PAQR5: variants seen among roughly 807,000 people sequenced by gnomAD.
PAQR5 encodes the protein membrane progestin receptor gamma.
In PAQR5, 20 loss-of-function variants were observed where a neutral mutation model predicts 34.5. The ratio of observed to expected loss-of-function variants is 0.58; its 90% CI spans 0.41 to 0.84. PAQR5 has a LOEUF of 0.84. Ranked by LOEUF, PAQR5 falls within the 40% of genes least tolerant of loss-of-function variation. The pLI, the probability that PAQR5 is intolerant of heterozygous loss-of-function variation, is 0.00. For synonymous variants in PAQR5, 131 were observed against 155.6 expected (o/e 0.84, Z 1.18); for missense variants, 378 against 412.7 (o/e 0.92, Z 0.73).
In PAQR5 at chr15:69,405,359, T is replaced by C. The variant is rs994993864; in HGVS notation, c.*1537T>C. Reference sequence around the variant, plus strand: ...GCCTTGTAAACAGCTCACTGTCTAATACTCGAAGGACAAGTAACAATTTAT... The same window carrying C: ...GCCTTGTAAACAGCTCACTGTCTAACACTCGAAGGACAAGTAACAATTTAT... On this transcript the variant is annotated 3_prime_UTR_variant, in exon 9 of 9. Coordinates refer to ENST00000395407, the MANE Select transcript of PAQR5 (RefSeq NM_017705.4). 1 of 190,880 alleles carries C rather than the reference T, an allele frequency of 5.2e-6. No homozygotes were observed. The allele number at this position is 190,880 out of a possible 1,614,324, so 11.8% of individuals were successfully genotyped here.
intron 1 of PAQR5, among the ~76,000 whole-genome samples, chr15:69,327,989 C>A (rs2054292621): frequency 6.6e-6 from 1 of 151,962 alleles, no homozygotes; most frequent in Non-Finnish European, 1.5e-5. Flanking sequence ...CCATGTTGGC[C>A]AGGCTGGTCT....
At chr15:69,327,410 CT>C (rs2054279684) in intron 1 of PAQR5, among the ~76,000 whole-genome samples, 1 of 152,094 alleles carries the variant, frequency 6.6e-6, no homozygotes, top group African/African-American at 2.4e-5. Flanking sequence ...CTCTTTCCCC[CT>C]CTCTCCACTC....
chr15:69,314,544 TC>T (rs1215076526), intron 1 of PAQR5: 3 of 152,112 alleles, frequency 2.0e-5, no homozygotes, highest in South Asian at 2.1e-4. Flanking sequence ...TCTGGACCAT[TC>T]CCCCCCATGG....
chr15:69,303,297 G>A (rs561744541), intron 1 of PAQR5, among the ~76,000 whole-genome samples: 1 of 151,626 alleles, frequency 6.6e-6, no homozygotes, highest in South Asian at 2.1e-4. Context: ...GGTTGCTAGG[G>A]GTGCTTAAGA....
At chr15:69,380,822 G>T (rs1040887903) in intron 4 of PAQR5, among the ~76,000 whole-genome samples, 16 of 152,218 alleles carry the variant, frequency 1.1e-4, no homozygotes, top group Admixed American at 3.9e-4. Flanking sequence ...AGACGGGGTG[G>T]CGTCCTTACG....
chr15:69,374,759 C>A (rs1489862195), intron 3 of PAQR5, among the ~76,000 whole-genome samples: 1 of 152,218 alleles, frequency 6.6e-6, no homozygotes, highest in Admixed American at 6.5e-5. Context: ...TGCCAGCAAA[C>A]ACCTCATCAG....
rs780711031 is a variant in PAQR5 at position 69,322,691 on chromosome 15, GGAAGAAGAAGAAGAAGAAGAA to G, written c.-276-14590_-276-14570del. 4.7e-3 allele frequency among the ~76,000 whole-genome samples: 120 copies of G among 25,456 alleles called. 14 individuals are homozygous for G. The highest frequency in any genetic ancestry group is 0.017 in the African/African-American group (113 of 6,634). The allele number at this position is 25,456 out of a possible 152,430, so 16.7% of individuals were successfully genotyped here. A position where few individuals can be genotyped will look rare whatever the true frequency, so the allele number is the denominator to read the frequency against. ...AAAAAAAAGAAGAAGAAGGAGAAGA[GGAAGAAGAAGAAGAAGAAGAA>G]GAAGAAGAAGAAGAAGAAGAAGAAG... On this transcript the variant is annotated intron_variant, in intron 1 of 8. Transcript: ENST00000395407.
chr15:69,387,139 C>T (rs2056134574), intron 5 of PAQR5, among the ~76,000 whole-genome samples: 2 of 152,242 alleles, frequency 1.3e-5, no homozygotes, highest in South Asian at 2.1e-4. Context: ...TCCACAACAC[C>T]TTCTACCACA....
chr15:69,389,807 G>C, intron 6 of PAQR5, 27 bp downstream of exon 6: 1 of 1,611,954 alleles, frequency 6.2e-7, no homozygotes, highest in South Asian at 1.1e-5. Flanking sequence ...CCTCAGATGG[G>C]AGGGGAGGGA....
At chr15:69,347,325 C>A (rs1419072975) in intron 2 of PAQR5, among the ~76,000 whole-genome samples, 2 of 152,168 alleles carry the variant, frequency 1.3e-5, no homozygotes, top group Non-Finnish European at 2.9e-5. Flanking sequence ...CATTGTTTAG[C>A]ATCTAAGTTA....
intron 1 of PAQR5, among the ~76,000 whole-genome samples, chr15:69,316,388 TTTAAATAA>T (rs2053950926): frequency 6.6e-6 from 1 of 152,140 alleles, no homozygotes; most frequent in African/African-American, 2.4e-5. Context: ...GCCATAAGGT[TTTAAATAA>T]TGCATTTTGC....
At chr15:69,360,685 A>G (rs1377438619) in intron 3 of PAQR5, among the ~76,000 whole-genome samples, 1 of 152,250 alleles carries the variant, frequency 6.6e-6, no homozygotes, top group Non-Finnish European at 1.5e-5. Flanking sequence ...ACTAAGCCAT[A>G]GGTGAGCCTG....
rs562325283 is a variant in PAQR5, at chr15:69,384,596, C to A, written c.180-81C>A. ...CTCCGTGTTCATGGTGGAAGGTGAG[C>A]GGGTCCTCTGTGTTCATGGTGGAGG... On this transcript the variant is annotated intron_variant, in intron 4 of 8. Coordinates refer to ENST00000395407, the MANE Select transcript of PAQR5 (RefSeq NM_017705.4). 2.8e-6 allele frequency: 2 copies of A among 713,168 alleles called. 1 individual carries two copies. The highest frequency in any genetic ancestry group is 5.0e-6 in the Non-Finnish European group (2 of 397,880). The allele number at this position is 713,168 out of a possible 1,614,324, so 44.2% of individuals were successfully genotyped here. A position where few individuals can be genotyped will look rare whatever the true frequency, so the allele number is the denominator to read the frequency against.
At chr15:69,399,621 T>C (rs982332354) in intron 7 of PAQR5, among the ~76,000 whole-genome samples, 1 of 149,950 alleles carries the variant, frequency 6.7e-6, no homozygotes, top group Non-Finnish European at 1.5e-5. Flanking sequence ...TCTAATAGGA[T>C]TTTTTGTCTT....
rs185325561 is a variant in PAQR5 at position 69,384,660 on chromosome 15, A to G, written c.180-17A>G. On this transcript the variant is annotated splice_polypyrimidine_tract_variant and intron_variant, in intron 4 of 8. Coordinates refer to ENST00000395407, the MANE Select transcript of PAQR5 (RefSeq NM_017705.4). ...CTGTGTTCATGGTGGAGGGTGAGTG[A>G]GCCCTCTGTGTTCCAGGTTCTTTGC... The G allele has an allele frequency of 2.0e-5, 32 of 1,585,904 alleles. No individual in the cohort carries two copies. The African/African-American group carries it at 2.8e-4, about 14-fold the overall frequency.
chr15:69,330,592 C>T (rs1012502476), intron 1 of PAQR5, among the ~76,000 whole-genome samples: 1 of 152,038 alleles, frequency 6.6e-6, no homozygotes, highest in Non-Finnish European at 1.5e-5. Flanking sequence ...TGGCCCCCTC[C>T]CAGGAACTGA....
intron 1 of PAQR5, among the ~76,000 whole-genome samples, chr15:69,330,050 A>G (rs1026043558): frequency 6.6e-6 from 1 of 152,216 alleles, no homozygotes; most frequent in Non-Finnish European, 1.5e-5. Context: ...AGCCCAGCCA[A>G]ATTCATACCT....
chr15:69,373,394 G>T (rs1369964344), intron 3 of PAQR5, among the ~76,000 whole-genome samples: 2 of 152,150 alleles, frequency 1.3e-5, no homozygotes, highest in Non-Finnish European at 2.9e-5. Flanking sequence ...TCACAAGCTT[G>T]CCTATGGCAG....
At chr15:69,320,455 C>G (rs2054068085) in intron 1 of PAQR5, among the ~76,000 whole-genome samples, 1 of 151,420 alleles carries the variant, frequency 6.6e-6, no homozygotes, top group South Asian at 2.1e-4. Context: ...GCCTAGCATC[C>G]CCTTCCAGCT....
Sources: gnomAD v4.1 joint callset for allele counts (sites outside exome capture counted in the v4.1 genomes callset) on GRCh38, gnomAD v4.1.1 for gene constraint, MANE v1.5 for transcripts, NCBI Gene and HGNC (gene_info 2026-07-23, HGNC 2026-07-21) for gene names.